Variants in RHOU observed in about 807,000 individuals in gnomAD.
RHOU encodes the protein rho-related GTP-binding protein RhoU.
Under a neutral mutation model 12.6 loss-of-function variants are expected in RHOU, and 8 were observed. The ratio of observed to expected loss-of-function variants is 0.64; its 90% CI spans 0.37 to 1.15. The LOEUF is 1.15. RHOU is among the 50% of genes most tolerant of loss of function. The pLI, the probability that RHOU is intolerant of heterozygous loss-of-function variation, is 0.01. For missense variants in RHOU, 258 were observed against 347.0 expected (o/e 0.74, Z 2.04); for synonymous variants, 161 against 147.4 (o/e 1.09, Z -0.67).
At chr1:228,670,950 A>G in the RHOU span, among the ~76,000 whole-genome samples, 1 of 152,324 alleles carries the variant, frequency 6.6e-6, no homozygotes, top group Admixed American at 6.5e-5. Context: ...TGTACAGCCT[A>G]CAGAACTGTG....
the RHOU span, among the ~76,000 whole-genome samples, chr1:228,699,458 A>AG: frequency 7.1e-6 from 1 of 141,496 alleles, no homozygotes; most frequent in South Asian, 2.1e-4. Flanking sequence ...AAAAAAAAAA[A>AG]AAAAAAAAAA....
At chr1:228,716,091 C>CT in the RHOU span, among the ~76,000 whole-genome samples, 2 of 151,914 alleles carry the variant, frequency 1.3e-5, no homozygotes, top group South Asian at 2.1e-4. Context: ...TAACAAAAAT[C>CT]TTTTTTGTAA....
chr1:228,708,821 G>C, the RHOU span, among the ~76,000 whole-genome samples: 1 of 151,758 alleles, frequency 6.6e-6, no homozygotes, highest in Non-Finnish European at 1.5e-5. Context: ...TTAACTTTAA[G>C]TGTCAATGGA....
the RHOU span, among the ~76,000 whole-genome samples, chr1:228,721,514 G>A: frequency 6.6e-6 from 1 of 152,312 alleles, no homozygotes; most frequent in Admixed American, 6.5e-5. Flanking sequence ...TGGAACACAC[G>A]TGCGCCTTAT....
chr1:228,734,519 A>T (rs1285858796), upstream of RHOU, among the ~76,000 whole-genome samples: 1 of 152,218 alleles, frequency 6.6e-6, no homozygotes. Flanking sequence ...ATCTGTAAGT[A>T]ATGTTAAGAT....
At chr1:228,724,559 C>T in the RHOU span, among the ~76,000 whole-genome samples, 1 of 152,134 alleles carries the variant, frequency 6.6e-6, no homozygotes, top group Non-Finnish European at 1.5e-5. Flanking sequence ...TCAAGTGATC[C>T]TCCCACCTCA....
At position 228,746,206 on chromosome 1, in the gene RHOU, A is replaced by G. The variant is rs1201943164; in HGVS notation, c.*2466A>G. ...TCCATTTTTATTTCTTCGTGAACAT[A>G]GAGTTTGGGGCCGAAAATGTTTTTA... is the stretch of plus-strand genomic sequence containing the variant. On this transcript the variant is annotated 3_prime_UTR_variant, in exon 3 of 3. Transcript: ENST00000366691. 1 of 152,228 alleles carries G rather than the reference A, an allele frequency of 6.6e-6. No individual in the cohort carries two copies. The highest frequency in any genetic ancestry group is 2.4e-5 in the African/African-American group (1 of 41,454). The allele number at this position is 152,228 out of a possible 1,614,324, so 9.4% of individuals were successfully genotyped here. A position where few individuals can be genotyped will look rare whatever the true frequency, so the allele number is the denominator to read the frequency against.
At chr1:228,723,975 AC>A in the RHOU span, among the ~76,000 whole-genome samples, 1 of 152,114 alleles carries the variant, frequency 6.6e-6, no homozygotes, top group Non-Finnish European at 1.5e-5. Context: ...TTGCTCTCTT[AC>A]ATCTTTCAAA....
chr1:228,650,097 A>G, the RHOU span: 1 of 424,882 alleles, frequency 2.4e-6, no homozygotes, highest in Non-Finnish European at 4.6e-6. Context: ...AAGAACTCTA[A>G]CAGGTACTCT....
the RHOU span, among the ~76,000 whole-genome samples, chr1:228,729,384 A>G: frequency 3.3e-5 from 5 of 152,184 alleles, no homozygotes; most frequent in Non-Finnish European, 5.9e-5. Flanking sequence ...AGACATTTAT[A>G]TGGTTTTTAG....
the RHOU span, among the ~76,000 whole-genome samples, chr1:228,684,605 G>A: frequency 2.5e-4 from 38 of 152,266 alleles, no homozygotes; most frequent in Admixed American, 5.2e-4. Context: ...GATTACAGGC[G>A]TGATCTACTG....
chr1:228,646,399 CCTCCGCCCT>C, the RHOU span, among the ~76,000 whole-genome samples: 1 of 14,476 alleles, frequency 6.9e-5, no homozygotes, highest in South Asian at 1.6e-3. Flanking sequence ...GCCCTCCGGT[CCTCCGCCCT>C]GTCGCGGAGG....
upstream of RHOU, among the ~76,000 whole-genome samples, chr1:228,731,990 TTAA>T (rs769960628): frequency 2.6e-4 from 40 of 152,234 alleles, no homozygotes; most frequent in Non-Finnish European, 2.9e-4. Context: ...TGGTTTTCTA[TTAA>T]TAGCTGCAAG....
chr1:228,697,032 T>C, the RHOU span, among the ~76,000 whole-genome samples: 17 of 152,196 alleles, frequency 1.1e-4, no homozygotes. Context: ...TCCCACCAGA[T>C]CTGACTAGAT....
At chr1:228,687,312 TACCA>T in the RHOU span, 2 of 670,040 alleles carry the variant, frequency 3.0e-6, no homozygotes, top group Non-Finnish European at 5.3e-6. Context: ...TTTTTTTGGT[TACCA>T]AATTTCTTTA....
the RHOU span, among the ~76,000 whole-genome samples, chr1:228,699,006 T>G: frequency 6.6e-6 from 1 of 152,144 alleles, no homozygotes; most frequent in Non-Finnish European, 1.5e-5. Flanking sequence ...CTTTCTCTGA[T>G]TTTGTTTTCC....
chr1:228,664,686 T>C, the RHOU span, among the ~76,000 whole-genome samples: 1 of 152,070 alleles, frequency 6.6e-6, no homozygotes, highest in African/African-American at 2.4e-5. Flanking sequence ...CAGGCTGGAG[T>C]GCAATGGCGC....
chr1:228,665,902 G>A, the RHOU span, among the ~76,000 whole-genome samples: 221 of 152,104 alleles, frequency 1.5e-3, no homozygotes, highest in African/African-American at 5.2e-3. Flanking sequence ...CAAAAATACA[G>A]AATAAAAAGG....
the RHOU span, among the ~76,000 whole-genome samples, chr1:228,705,048 C>T: frequency 6.6e-6 from 1 of 151,588 alleles, no homozygotes; most frequent in Non-Finnish European, 1.5e-5. Flanking sequence ...GTGATCTGCC[C>T]ACCTTGGCCT....
Sources: gnomAD v4.1 joint callset for allele counts (sites outside exome capture counted in the v4.1 genomes callset) on GRCh38, gnomAD v4.1.1 for gene constraint, MANE v1.5 for transcripts, NCBI Gene and HGNC (gene_info 2026-07-23, HGNC 2026-07-21) for gene names.